STPG2: variants seen among roughly 807,000 people sequenced by gnomAD.
STPG2 encodes the protein sperm-tail PG-rich repeat-containing protein 2.
STPG2 carries 56 observed loss-of-function variants against 54.2 expected under a neutral mutation model. That is an observed-to-expected ratio of 1.03 (90% CI 0.83 to 1.29). The LOEUF (loss-of-function observed/expected upper bound fraction) is 1.29, where lower values mean the gene tolerates loss of function less well. Among genes scored for constraint, STPG2 ranks in the 50% most tolerant of loss-of-function variants. The pLI is 0.00. For synonymous variants in STPG2, 200 were observed against 181.8 expected (o/e 1.10, Z -0.81); for missense variants, 596 against 544.9 (o/e 1.09, Z -0.93).
chr4:97,480,035 G>C (rs1392717370), intron 4 of STPG2, among the ~76,000 whole-genome samples: 1 of 151,670 alleles, frequency 6.6e-6, no homozygotes, highest in Non-Finnish European at 1.5e-5. Flanking sequence ...AATGAAACTG[G>C]TTCTTTGAAA....
intron 9 of STPG2, among the ~76,000 whole-genome samples, chr4:97,763,572 G>A (rs1725952275): frequency 6.6e-6 from 1 of 152,102 alleles, no homozygotes; most frequent in Non-Finnish European, 1.5e-5. Flanking sequence ...GTTTGGCCAG[G>A]ATAGTCTTAT....
intron 9 of STPG2, among the ~76,000 whole-genome samples, chr4:97,808,980 A>G (rs975763873): frequency 1.3e-5 from 2 of 152,150 alleles, no homozygotes; most frequent in African/African-American, 2.4e-5. Context: ...GAAATAGGCA[A>G]GTGGGCAAAA....
chr4:97,605,819 G>T (rs1177783719), intron 10 of STPG2, among the ~76,000 whole-genome samples: 1 of 145,196 alleles, frequency 6.9e-6, no homozygotes, highest in Non-Finnish European at 1.5e-5. Flanking sequence ...ACAAAAAAAA[G>T]AAAAAAAAAA....
intron 8 of STPG2, among the ~76,000 whole-genome samples, chr4:97,856,107 T>TATAGTGTGAAG (rs1729327100): frequency 6.6e-6 from 1 of 152,180 alleles, no homozygotes. Context: ...GCATGATGCC[T>TATAGTGTGAAG]CCAGCTATGT....
At chr4:97,637,367 C>G (rs1489926848) in intron 10 of STPG2, among the ~76,000 whole-genome samples, 1 of 152,150 alleles carries the variant, frequency 6.6e-6, no homozygotes, top group Non-Finnish European at 1.5e-5. Flanking sequence ...CTATCTATGA[C>G]AAACCCACAG....
At chr4:97,550,112 T>C (rs375213741) in intron 4 of STPG2, among the ~76,000 whole-genome samples, 2 of 152,178 alleles carry the variant, frequency 1.3e-5, no homozygotes, top group South Asian at 4.1e-4. Flanking sequence ...AGTTAAAAGA[T>C]GTATATAAAA....
rs1732009875 is a variant in STPG2, at chr4:97,919,370, A to T, written c.1044+24527T>A. On this transcript the variant is annotated intron_variant, in intron 8 of 10. Coordinates refer to ENST00000295268, the MANE Select transcript of STPG2 (RefSeq NM_174952.3). ...ATAGAAATTAAATATATAATAGAGA[A>T]TATCAACAGTCAAAAGTTTTTCTTT... Among the ~76,000 whole-genome samples, 3 of 151,556 alleles carry T rather than the reference A, an allele frequency of 2.0e-5. No homozygotes were observed. The South Asian group carries it at 6.2e-4, about 31-fold the overall frequency.
intron 5 of STPG2, among the ~76,000 whole-genome samples, chr4:98,014,209 G>T (rs1275193383): frequency 6.6e-6 from 1 of 152,110 alleles, no homozygotes; most frequent in Non-Finnish European, 1.5e-5. Context: ...CTTGATTTCT[G>T]CCTTAACTTC....
chr4:98,022,054 G>A (rs1253355715), intron 5 of STPG2, among the ~76,000 whole-genome samples: 10 of 151,840 alleles, frequency 6.6e-5, no homozygotes, highest in African/African-American at 2.2e-4. Flanking sequence ...ATTTGATCCT[G>A]TCATTATGAT....
At chr4:98,064,844 AAC>A (rs986126235) in intron 5 of STPG2, among the ~76,000 whole-genome samples, 5 of 152,276 alleles carry the variant, frequency 3.3e-5, no homozygotes, top group Non-Finnish European at 7.4e-5. Flanking sequence ...ATAACAAAAA[AAC>A]ACAAAACATA....
In STPG2 at chr4:98,044,846, G is replaced by A. The variant is rs187000204; in HGVS notation, c.612+61107C>T. On this transcript the variant is annotated intron_variant, in intron 5 of 10. Transcript: ENST00000295268. Reference sequence around the variant, plus strand: ...CTTCTAATCAAACTAATTTTTCACTGTTGACAAGTGAGGCAAGGGTTGCAC... The same window carrying A: ...CTTCTAATCAAACTAATTTTTCACTATTGACAAGTGAGGCAAGGGTTGCAC... Among the ~76,000 whole-genome samples, 647 of 152,246 alleles carry A rather than the reference G, an allele frequency of 4.2e-3. 3 individuals carry two copies. The highest frequency in any genetic ancestry group is 0.024 in the South Asian group (118 of 4,830).
intron 4 of STPG2, among the ~76,000 whole-genome samples, chr4:97,553,576 A>T (rs1240997470): frequency 6.6e-6 from 1 of 151,844 alleles, no homozygotes; most frequent in African/African-American, 2.4e-5. Flanking sequence ...TGTTTTAGGT[A>T]AAAAAAAGTA....
At chr4:97,623,110 C>T (rs1734054064) in intron 10 of STPG2, among the ~76,000 whole-genome samples, 1 of 152,026 alleles carries the variant, frequency 6.6e-6, no homozygotes, top group South Asian at 2.1e-4. Context: ...ATACAAAACT[C>T]AACTCAAGAT....
At chr4:98,070,363 A>G (rs1329884616) in intron 5 of STPG2, among the ~76,000 whole-genome samples, 1 of 152,060 alleles carries the variant, frequency 6.6e-6, no homozygotes, top group Admixed American at 6.6e-5. Context: ...GAAGGAACAT[A>G]CCTCAAAATA....
chr4:97,762,539 C>T (rs949766098), intron 9 of STPG2, among the ~76,000 whole-genome samples: 25 of 152,108 alleles, frequency 1.6e-4, no homozygotes, highest in African/African-American at 6.0e-4. Flanking sequence ...AACAAATATG[C>T]ACACTTACTT....
At chr4:97,804,306 T>A (rs558211289) in intron 9 of STPG2, among the ~76,000 whole-genome samples, 1 of 152,226 alleles carries the variant, frequency 6.6e-6, no homozygotes, top group South Asian at 2.1e-4. Context: ...CATCCAACAG[T>A]GGCCCCATAA....
chr4:97,974,033 C>G (rs1367672016), intron 6 of STPG2, among the ~76,000 whole-genome samples: 1 of 152,134 alleles, frequency 6.6e-6, no homozygotes, highest in Non-Finnish European at 1.5e-5. Context: ...AACACCAGCC[C>G]ATGAAAGCAT....
intron 5 of STPG2, among the ~76,000 whole-genome samples, chr4:98,042,842 T>A (rs1380672690): frequency 1.3e-5 from 2 of 152,014 alleles, no homozygotes; most frequent in African/African-American, 4.8e-5. Context: ...AAGTCCAGTG[T>A]TTCTTTGTTG....
At chr4:97,811,197 TAA>T (rs797019047) in intron 9 of STPG2, among the ~76,000 whole-genome samples, 1 of 145,076 alleles carries the variant, frequency 6.9e-6, no homozygotes, top group Non-Finnish European at 1.5e-5. Flanking sequence ...TTAGTTTACT[TAA>T]AAAAAAAAAA....
Sources: gnomAD v4.1 joint callset for allele counts (sites outside exome capture counted in the v4.1 genomes callset) on GRCh38, gnomAD v4.1.1 for gene constraint, MANE v1.5 for transcripts, NCBI Gene and HGNC (gene_info 2026-07-23, HGNC 2026-07-21) for gene names.